Variants in MATCAP2 observed in about 807,000 individuals in gnomAD.
MATCAP2 encodes the protein putative tyrosine carboxypeptidase MATCAP2.
the MATCAP2 span, among the ~76,000 whole-genome samples, chr7:36,379,454 ATGTG>A: frequency 6.6e-6 from 1 of 152,238 alleles, no homozygotes; most frequent in South Asian, 2.1e-4. Context: ...ATAACCATGC[ATGTG>A]TGTGTCTGTG....
the MATCAP2 span, among the ~76,000 whole-genome samples, chr7:36,386,374 G>T: frequency 6.6e-6 from 1 of 151,898 alleles, no homozygotes; most frequent in Non-Finnish European, 1.5e-5. Flanking sequence ...GGGTATGGAA[G>T]GATTTCTTAA....
the MATCAP2 span, chr7:36,326,758 T>G: frequency 6.2e-7 from 1 of 1,609,558 alleles, no homozygotes; most frequent in Non-Finnish European, 8.5e-7. Flanking sequence ...GAACGCTAAT[T>G]ACTATATAAG....
At chr7:36,331,657 T>A in the MATCAP2 span, among the ~76,000 whole-genome samples, 1 of 152,174 alleles carries the variant, frequency 6.6e-6, no homozygotes, top group Non-Finnish European at 1.5e-5. Context: ...TTGGAGAGCA[T>A]GTAGGTTTAA....
chr7:36,360,039 TG>T, the MATCAP2 span, among the ~76,000 whole-genome samples: 10 of 152,216 alleles, frequency 6.6e-5, no homozygotes, highest in Non-Finnish European at 1.3e-4. Context: ...TTTTCTCAGT[TG>T]ATCTTCGTAA....
the MATCAP2 span, among the ~76,000 whole-genome samples, chr7:36,341,478 T>G: frequency 6.6e-6 from 1 of 152,216 alleles, no homozygotes; most frequent in Non-Finnish European, 1.5e-5. Flanking sequence ...TCTGAATATT[T>G]ATGCCCCACC....
At chr7:36,364,318 G>A in the MATCAP2 span, among the ~76,000 whole-genome samples, 21 of 151,988 alleles carry the variant, frequency 1.4e-4, no homozygotes, top group African/African-American at 4.8e-4. Flanking sequence ...GAACTCCTGA[G>A]CTCAGGTAAT....
chr7:36,381,175 A>T, the MATCAP2 span, among the ~76,000 whole-genome samples: 2 of 152,190 alleles, frequency 1.3e-5, no homozygotes, highest in Admixed American at 6.6e-5. Context: ...GGGGACTTGC[A>T]GGTTTAGGAG....
At chr7:36,371,464 A>G in the MATCAP2 span, among the ~76,000 whole-genome samples, 1 of 152,180 alleles carries the variant, frequency 6.6e-6, no homozygotes, top group Non-Finnish European at 1.5e-5. Flanking sequence ...TTCTTCTTAC[A>G]TAGTAGAACA....
At chr7:36,335,184 G>C in the MATCAP2 span, 47 of 1,613,168 alleles carry the variant, frequency 2.9e-5, no homozygotes, top group Non-Finnish European at 3.7e-5. Context: ...ACAATCTAAG[G>C]GGCAAGAGAA....
the MATCAP2 span, among the ~76,000 whole-genome samples, chr7:36,360,005 A>G: frequency 1.3e-5 from 2 of 152,242 alleles, no homozygotes; most frequent in African/African-American, 4.8e-5. Context: ...GTAGCCGGAA[A>G]CGTAAAGGGA....
At chr7:36,330,554 G>A in the MATCAP2 span, among the ~76,000 whole-genome samples, 1 of 152,174 alleles carries the variant, frequency 6.6e-6, no homozygotes, top group Non-Finnish European at 1.5e-5. Context: ...CATTTTGGAG[G>A]CACTTTGGAA....
the MATCAP2 span, chr7:36,324,430 CA>C: frequency 6.6e-6 from 1 of 152,128 alleles, no homozygotes; most frequent in Non-Finnish European, 1.5e-5. Flanking sequence ...GTATTTGACA[CA>C]ACTATTTTTA....
At chr7:36,376,914 C>A in the MATCAP2 span, among the ~76,000 whole-genome samples, 20 of 151,946 alleles carry the variant, frequency 1.3e-4, no homozygotes, top group African/African-American at 4.8e-4. Context: ...GGATTGCAAC[C>A]CCTGCTTTTT....
chr7:36,387,505 T>A, the MATCAP2 span, among the ~76,000 whole-genome samples: 1 of 152,212 alleles, frequency 6.6e-6, no homozygotes, highest in Non-Finnish European at 1.5e-5. Context: ...AAGAATGAAC[T>A]ACCGGGGGTT....
At chr7:36,329,903 C>T in the MATCAP2 span, among the ~76,000 whole-genome samples, 4 of 152,030 alleles carry the variant, frequency 2.6e-5, no homozygotes, top group South Asian at 4.1e-4. Flanking sequence ...CAAAATGACA[C>T]GTACTTTCTA....
chr7:36,379,309 C>T, the MATCAP2 span, among the ~76,000 whole-genome samples: 6 of 152,168 alleles, frequency 3.9e-5, no homozygotes, highest in East Asian at 1.2e-3. Flanking sequence ...CGAAGGCAGA[C>T]AAGAGCATTC....
the MATCAP2 span, chr7:36,334,273 A>G: frequency 3.5e-6 from 3 of 857,192 alleles, 1 homozygote; most frequent in South Asian, 5.1e-5. Context: ...GCGGTGGCTC[A>G]TGCCTGTAAT....
the MATCAP2 span, among the ~76,000 whole-genome samples, chr7:36,389,243 A>G: frequency 9.2e-5 from 14 of 152,200 alleles, no homozygotes; most frequent in South Asian, 1.5e-3. Flanking sequence ...TTGTATTTTT[A>G]GTAGAGACGG....
At chr7:36,339,361 C>T in the MATCAP2 span, among the ~76,000 whole-genome samples, 2 of 152,340 alleles carry the variant, frequency 1.3e-5, no homozygotes, top group East Asian at 3.9e-4. Flanking sequence ...GGTCCCAAAA[C>T]TGTTACTGAA....
Sources: allele counts gnomAD v4.1 joint callset (sites outside exome capture counted in the v4.1 genomes callset), GRCh38; gene constraint gnomAD v4.1.1; transcripts MANE v1.5; gene names NCBI Gene and HGNC (gene_info 2026-07-23, HGNC 2026-07-21).